The following YPEL1 variants were observed in gnomAD, a reference collection of about 807,000 sequenced individuals.
YPEL1 encodes yippee like 1, also known as protein yippee-like 1.
A neutral mutation model predicts 17.3 loss-of-function variants in YPEL1; 7 were observed. That is an observed-to-expected ratio of 0.40 (90% CI 0.23 to 0.76). The LOEUF (loss-of-function observed/expected upper bound fraction) is 0.76. YPEL1 is among the 30% of genes least tolerant of loss of function. The pLI, the probability that YPEL1 is intolerant of heterozygous loss-of-function variation, is 0.35. For missense variants in YPEL1, 91 were observed against 155.5 expected (o/e 0.59, Z 2.21); for synonymous variants, 59 against 59.6 (o/e 0.99, Z 0.05).
chr22:21,710,820 G>T lies in YPEL1; in HGVS notation c.-76C>A. 1.5e-6 allele frequency: 2 copies of T among 1,324,634 alleles called. No homozygotes were observed. Among genetic ancestry groups the T allele is most frequent in the South Asian group, 1.2e-5 (1 of 85,092 alleles). The allele number at this position is 1,324,634 out of a possible 1,614,324, so 82.1% of individuals were successfully genotyped here. A position where few individuals can be genotyped will look rare whatever the true frequency, so the allele number is the denominator to read the frequency against. On this transcript the variant is annotated 5_prime_UTR_variant, in exon 2 of 5. Transcript: ENST00000339468. ...GGCTCTGCTGGCCTCTCTGACAAAA[G>T]CAACACTGGAAAATGCACGCAAGAG...
chr22:21,702,036 A>G (rs913586241), intron 4 of YPEL1, among the ~76,000 whole-genome samples: 9 of 124,628 alleles, frequency 7.2e-5, no homozygotes, highest in African/African-American at 2.4e-4. Flanking sequence ...AAACAACAAC[A>G]AAAAACAGGA....
chr22:21,706,107 GCGA>G (rs1247680915), intron 2 of YPEL1, among the ~76,000 whole-genome samples: 1 of 151,268 alleles, frequency 6.6e-6, no homozygotes, highest in African/African-American at 2.4e-5. Context: ...TCCAGCTTGG[GCGA>G]CTAGAGTGAA....
chr22:21,732,514 G>T (rs766810986), intron 1 of YPEL1, among the ~76,000 whole-genome samples: 1 of 152,188 alleles, frequency 6.6e-6, no homozygotes, highest in Admixed American at 6.5e-5. Flanking sequence ...AGGCGCGGTG[G>T]CTCACGCCTG....
chr22:21,698,838 A>G lies in YPEL1; in HGVS notation c.*2291T>C, dbSNP rs1252614561. The G allele has an allele frequency of 6.6e-6, 1 of 152,490 alleles. No homozygotes were observed. The highest frequency in any genetic ancestry group is 2.4e-5 in the African/African-American group (1 of 41,462). The allele number at this position is 152,490 out of a possible 1,614,324, so 9.4% of individuals were successfully genotyped here. On this transcript the variant is annotated 3_prime_UTR_variant, in exon 5 of 5. Transcript: ENST00000339468. ...CTGCACGCGAGCTCAGGAGGACAGGATGTGCTGGGCCAGCCTAAACCCTCG... is the reference window on the plus strand; with the variant it reads ...CTGCACGCGAGCTCAGGAGGACAGGGTGTGCTGGGCCAGCCTAAACCCTCG...
At position 21,701,028 on chromosome 22, in the gene YPEL1, C is replaced by CA. The variant is rs2068060110; in HGVS notation, c.*100dup. On this transcript the variant is annotated 3_prime_UTR_variant, in exon 5 of 5. Transcript: ENST00000339468. ...GCTATGCGCAGCTAGCCTTTGAGGT[C>CA]AGAGGGCAAGAAAGGCTGTCACCAG... 6.6e-6 allele frequency: 7 copies of CA among 1,060,156 alleles called. No homozygotes were observed. In the South Asian group the frequency reaches 9.8e-5, roughly 15 times the overall value. The allele number at this position is 1,060,156 out of a possible 1,614,324, so 65.7% of individuals were successfully genotyped here. A position where few individuals can be genotyped will look rare whatever the true frequency, so the allele number is the denominator to read the frequency against.
intron 2 of YPEL1, among the ~76,000 whole-genome samples, chr22:21,707,150 C>CCG (rs1380827423): frequency 6.6e-6 from 1 of 152,078 alleles, no homozygotes; most frequent in Non-Finnish European, 1.5e-5. Flanking sequence ...TGGCACAGTG[C>CCG]CTCATGCCTA....
chr22:21,719,357 TAA>T (rs910457364), intron 1 of YPEL1, among the ~76,000 whole-genome samples: 14 of 152,380 alleles, frequency 9.2e-5, no homozygotes, highest in Non-Finnish European at 1.6e-4. Flanking sequence ...TATTTTCAAC[TAA>T]GTTTCTTGTT....
chr22:21,735,272 C>T (rs1241868429), intron 1 of YPEL1, among the ~76,000 whole-genome samples: 3 of 151,992 alleles, frequency 2.0e-5, no homozygotes, highest in Non-Finnish European at 4.4e-5. Flanking sequence ...CCAGTTGAGG[C>T]TGTATTTTTT....
chr22:21,702,006 G>A (rs546474588), intron 4 of YPEL1, among the ~76,000 whole-genome samples: 7 of 152,196 alleles, frequency 4.6e-5, no homozygotes, highest in East Asian at 1.9e-4. Context: ...AGCTGAGATC[G>A]ACCAAGACCC....
At position 21,703,483 on chromosome 22, in the gene YPEL1, G is replaced by A. The variant is rs757245735; in HGVS notation, c.162-5C>T. The stretch of plus-strand genomic sequence containing the variant: ...GGGCCGCAGCCCACGTTCACCCTGC[G>A]GGGACAGAGGGGCCACTGCGCTGCA... On this transcript the variant is annotated splice_region_variant and splice_polypyrimidine_tract_variant and intron_variant, in intron 3 of 4. Coordinates refer to ENST00000339468, the MANE Select transcript of YPEL1 (RefSeq NM_013313.5). The surrounding 1 kb of genome is among the most constrained non-coding windows in gnomAD (Gnocchi z 6.1). 25 of 1,605,620 alleles carry A rather than the reference G, an allele frequency of 1.6e-5. No homozygotes were observed. Among genetic ancestry groups the A allele is most frequent in the African/African-American group, 8.0e-5 (6 of 74,882 alleles).
rs936967300 is a variant in YPEL1, at chr22:21,735,751, C to G, written c.-301G>C. ...GTTAACGCCTAGGCAGGGCGCGAGG[C>G]ATCCTCCCGCCGCCGCCCCGCGGGC... On this transcript the variant is annotated 5_prime_UTR_variant, in exon 1 of 5. An upstream start codon of the reference 5' UTR is lost. Transcript: ENST00000339468. 1 of 150,900 alleles carries G rather than the reference C, an allele frequency of 6.6e-6. No homozygotes were observed. The highest frequency in any genetic ancestry group is 1.5e-5 in the Non-Finnish European group (1 of 67,622). The allele number at this position is 150,900 out of a possible 1,614,324, so 9.3% of individuals were successfully genotyped here.
chr22:21,732,585 C>A (rs1487848243), intron 1 of YPEL1, among the ~76,000 whole-genome samples: 1 of 152,088 alleles, frequency 6.6e-6, no homozygotes, highest in Non-Finnish European at 1.5e-5. Flanking sequence ...AGATTGAGGC[C>A]ATCCTGGCCA....
At chr22:21,712,972 C>T (rs992587178) in intron 1 of YPEL1, among the ~76,000 whole-genome samples, 18 of 151,886 alleles carry the variant, frequency 1.2e-4, no homozygotes, top group Non-Finnish European at 1.9e-4. Context: ...AACATTTCTC[C>T]GAAGAAGATA....
At chr22:21,709,754 G>T (rs1207910129) in intron 2 of YPEL1, among the ~76,000 whole-genome samples, 1 of 152,014 alleles carries the variant, frequency 6.6e-6, no homozygotes, top group Non-Finnish European at 1.5e-5. Context: ...AGGATGGGGG[G>T]AGGTCATGGC....
chr22:21,712,375 A>AAAC (rs2068175761), intron 1 of YPEL1, among the ~76,000 whole-genome samples: 1 of 151,084 alleles, frequency 6.6e-6, no homozygotes, highest in Admixed American at 6.6e-5. Context: ...TGTAAAAAAA[A>AAAC]AAAAAAAAAA....
intron 1 of YPEL1, among the ~76,000 whole-genome samples, chr22:21,715,909 T>C (rs2068219331): frequency 6.6e-6 from 1 of 152,104 alleles, no homozygotes; most frequent in South Asian, 2.1e-4. Flanking sequence ...ATTACAGGCA[T>C]GCGCCACCAC....
At chr22:21,705,345 G>A (rs143762584) in intron 2 of YPEL1, among the ~76,000 whole-genome samples, 265 of 152,242 alleles carry the variant, frequency 1.7e-3, no homozygotes, top group Middle Eastern at 6.8e-3. Context: ...AGAGATGCTC[G>A]CTCAATACCA....
intron 1 of YPEL1, among the ~76,000 whole-genome samples, chr22:21,712,804 T>C (rs1569061062): frequency 6.6e-6 from 1 of 151,050 alleles, no homozygotes; most frequent in Non-Finnish European, 1.5e-5. Flanking sequence ...TAGAATATGT[T>C]AAAAAAAACT....
At chr22:21,711,363 T>G (rs900115937) in intron 1 of YPEL1, among the ~76,000 whole-genome samples, 2 of 152,200 alleles carry the variant, frequency 1.3e-5, no homozygotes, top group African/African-American at 4.8e-5. Flanking sequence ...AAACATTGAT[T>G]CAAATTCTTC....
Sources: gnomAD v4.1 joint callset for allele counts (sites outside exome capture counted in the v4.1 genomes callset) on GRCh38, gnomAD v4.1.1 for gene constraint, Gnocchi (gnomAD v3.1) non-coding constraint, MANE v1.5 for transcripts, NCBI Gene and HGNC (gene_info 2026-07-23, HGNC 2026-07-21) for gene names.